Variants in NISCH observed in about 807,000 individuals in gnomAD.
NISCH encodes nischarin.
NISCH carries 55 observed loss-of-function variants against 138.4 expected under a neutral mutation model. That is an observed-to-expected ratio of 0.40 (90% CI 0.32 to 0.50). NISCH has a LOEUF of 0.50. Ranked by LOEUF, NISCH falls within the 20% of genes least tolerant of loss-of-function variation. The probability of loss-of-function intolerance (pLI) is 0.71; values close to 1 mark genes in which losing one functional copy is unlikely to be tolerated. For synonymous variants in NISCH, 860 were observed against 861.5 expected (o/e 1.00, Z 0.03); for missense variants, 1,643 against 2,005.5 (o/e 0.82, Z 3.45).
rs1209549182 is a variant in NISCH, at chr3:52,487,047, T to C, written c.1704-149T>C. 1 of 884,976 alleles carries C rather than the reference T, an allele frequency of 1.1e-6. No homozygotes were observed. The highest frequency in any genetic ancestry group is 2.6e-5 in the East Asian group (1 of 37,790). The allele number at this position is 884,976 out of a possible 1,614,324, so 54.8% of individuals were successfully genotyped here. A position where few individuals can be genotyped will look rare whatever the true frequency, so the allele number is the denominator to read the frequency against. On this transcript the variant is annotated intron_variant, in intron 15 of 20. Transcript: ENST00000345716. The surrounding 1 kb of genome is among the most constrained non-coding windows in gnomAD (Gnocchi z 9.1). ...CTGGCTCCCACCAGGGCCCTCATCC[T>C]GGGAACTGACTTGGCCATGTGGGAG... is the stretch of plus-strand genomic sequence containing the variant.
chr3:52,485,890 G>A, intron 15 of NISCH, 63 bp downstream of exon 15: 3 of 1,503,916 alleles, frequency 2.0e-6, no homozygotes, highest in Non-Finnish European at 1.8e-6. Flanking sequence ...ACACACTGCT[G>A]TGGGCCAGGG....
chr3:52,472,673 T>C lies in NISCH; in HGVS notation c.669+275T>C, dbSNP rs1023504529. Among the ~76,000 whole-genome samples the C allele has an allele frequency of 9.2e-5, 14 of 152,264 alleles. No homozygotes were observed. The East Asian group carries it at 1.7e-3, about 19-fold the overall frequency. ...ACCTGGCTCATTCTAGGACTCCTCA[T>C]AGGGGCAGGGGGCATGTGTACCTCA... On this transcript the variant is annotated intron_variant, in intron 6 of 20. Transcript: ENST00000345716.
intron 2 of NISCH, 95 bp downstream of exon 2, chr3:52,458,021 G>T: frequency 1.1e-6 from 1 of 878,822 alleles, no homozygotes; most frequent in Non-Finnish European, 1.9e-6. Context: ...GGCAAAACAG[G>T]TTCCATCTCT....
intron 7 of NISCH, among the ~76,000 whole-genome samples, chr3:52,474,798 T>G (rs937311982): frequency 6.6e-6 from 1 of 152,222 alleles, no homozygotes; most frequent in Admixed American, 6.5e-5. Flanking sequence ...TTAATTAGAT[T>G]GATAACTAAG....
intron 14 of NISCH, 132 bp from the exon 15 acceptor site, chr3:52,485,646 A>G: frequency 1.0e-6 from 1 of 953,478 alleles, no homozygotes; most frequent in Non-Finnish European, 1.6e-6. Context: ...GCTCCAGGGT[A>G]CAGCGTGGGG....
chr3:52,473,232 C>T (rs1177219560), intron 6 of NISCH, among the ~76,000 whole-genome samples: 1 of 152,222 alleles, frequency 6.6e-6, no homozygotes, highest in Non-Finnish European at 1.5e-5. Context: ...GGAAACCCGA[C>T]CCAGCCCTGC....
chr3:52,470,866 A>T lies in NISCH; in HGVS notation c.368A>T (p.Asn123Ile). Residue 123 changes from asparagine (N) to isoleucine (I), a missense_variant, in exon 4 of 21, where the codon AAT becomes ATT. Asn to Ile is a moderately radical substitution (Grantham distance 149, BLOSUM62 -3). Transcript: ENST00000345716. ...ATTTTGTGTTCTCTGCAGGAGATAA[A>T]TGGCATCACCGCGGCACTGGCTGAA... ...HFLHFHFYEI[N>I]GITAALAEEL... The T allele has an allele frequency of 6.2e-7, 1 of 1,614,092 alleles. No individual in the cohort carries two copies. Among genetic ancestry groups the T allele is most frequent in the South Asian group, 1.1e-5 (1 of 91,072 alleles).
At chr3:52,481,546 G>C in intron 13 of NISCH, 3 of 985,518 alleles carry the variant, frequency 3.0e-6, no homozygotes, top group Non-Finnish European at 3.6e-6. Flanking sequence ...AAGCGAGCCT[G>C]TGGAGGTACC....
At chr3:52,464,696 T>C (rs1199067721) in intron 3 of NISCH, among the ~76,000 whole-genome samples, 2 of 152,046 alleles carry the variant, frequency 1.3e-5, no homozygotes, top group Admixed American at 1.3e-4. Flanking sequence ...GGCTGATTTT[T>C]GTATTTTTAG....
rs1457181567 is a variant in NISCH, at chr3:52,477,879, G to A, written c.988-218G>A. On this transcript the variant is annotated intron_variant, in intron 9 of 20. Transcript: ENST00000345716. ...TGCACCTCCGTCCTGAAGGTGGACA[G>A]CCATGTTTTCAACGCCCACCCCAAC... The A allele has an allele frequency of 7.9e-6, 5 of 632,826 alleles. No homozygotes were observed. In the East Asian group the frequency reaches 1.4e-4, roughly 17 times the overall value. 39.2% of individuals were successfully genotyped at this position (632,826 alleles called of 1,614,324 possible). A position where few individuals can be genotyped will look rare whatever the true frequency, so the allele number is the denominator to read the frequency against.
At chr3:52,485,722 A>G in intron 14 of NISCH, 56 bp from the exon 15 acceptor site, 1 of 1,545,364 alleles carries the variant, frequency 6.5e-7, no homozygotes. Context: ...GCAACCAGTA[A>G]ATGGCTGGGG....
intron 3 of NISCH, among the ~76,000 whole-genome samples, chr3:52,463,124 C>T (rs553143278): frequency 6.6e-6 from 1 of 152,312 alleles, no homozygotes; most frequent in South Asian, 2.1e-4. Context: ...ATCCCTCTGT[C>T]CCCCAGCCCC....
At chr3:52,473,907 G>A in intron 7 of NISCH, 78 bp downstream of exon 7, 2 of 911,260 alleles carry the variant, frequency 2.2e-6, no homozygotes, top group Non-Finnish European at 3.5e-6. Context: ...CACTAAGGAT[G>A]GGTGAGGACA....
chr3:52,488,103 G>A lies in NISCH; in HGVS notation c.2611G>A (p.Ala871Thr), dbSNP rs138593477. 525 of 1,612,958 alleles carry A rather than the reference G, an allele frequency of 3.3e-4. 1 individual carries two copies. Among genetic ancestry groups the A allele is most frequent in the Middle Eastern group, 2.3e-3 (14 of 6,062 alleles). ...CAGTGACAAGCGCATGGTGCAGACG[G>A]CCGCCGGGGACTACTCAGGCAACAT... is the stretch of plus-strand genomic sequence containing the variant. ...VYSDKRMVQT[A>T]AGDYSGNIEW... is the part of the protein sequence containing the mutation. The change falls in exon 16 of 21, where the codon GCC becomes ACC. Residue 871 changes from alanine (A) to threonine (T), a missense_variant. By Grantham distance (58) the Ala-to-Thr change is moderately conservative. Coordinates refer to ENST00000345716, the MANE Select transcript of NISCH (RefSeq NM_007184.4).
Position 52,455,672 on chromosome 3 carries a change from C to T in NISCH, c.31C>T (p.Arg11Trp). 1 of 1,357,980 alleles carries T rather than the reference C, an allele frequency of 7.4e-7. No individual in the cohort carries two copies. Among genetic ancestry groups the T allele is most frequent in the Non-Finnish European group, 9.6e-7 (1 of 1,045,930 alleles). 84.1% of individuals were successfully genotyped at this position (1,357,980 alleles called of 1,614,324 possible). Residue 11 changes from arginine (R) to tryptophan (W), a missense_variant, in exon 1 of 21, where the codon CGG (arginine) becomes TGG (tryptophan). Physicochemically the swap from Arg to Trp is moderately radical, Grantham distance 101. Coordinates refer to ENST00000345716, the MANE Select transcript of NISCH (RefSeq NM_007184.4). ...GACCGCGCGCACCTTCGGGCCCGAG[C>T]GGGAAGCCGAGCCGGCCAAGGAAGC... is the stretch of plus-strand genomic sequence containing the variant. MATARTFGPE[R>W]EAEPAKEARV...
rs534222125 is a variant in NISCH at position 52,484,757 on chromosome 3, G to A, written c.1653+120G>A. 5.1e-4 allele frequency: 601 copies of A among 1,179,174 alleles called. 2 individuals are homozygous for A. Among genetic ancestry groups the A allele is most frequent in the Non-Finnish European group, 6.4e-4 (524 of 819,216 alleles). The allele number at this position is 1,179,174 out of a possible 1,614,324, so 73.0% of individuals were successfully genotyped here. A position where few individuals can be genotyped will look rare whatever the true frequency, so the allele number is the denominator to read the frequency against. ...GAGGCAGATGCTTCCAGGGTTTGGC[G>A]TCCTCTGCTTTGTGCCACGGTCTTT... On this transcript the variant is annotated intron_variant, in intron 14 of 20. Transcript: ENST00000345716.
intron 9 of NISCH, 66 bp downstream of exon 9, chr3:52,477,708 G>T: frequency 7.3e-7 from 1 of 1,364,150 alleles, no homozygotes; most frequent in Non-Finnish European, 1.0e-6. Context: ...GATTTCAGGA[G>T]ACTGACGCAG....
intron 13 of NISCH, among the ~76,000 whole-genome samples, chr3:52,483,961 A>T (rs549453926): frequency 1.1e-4 from 16 of 152,352 alleles, no homozygotes; most frequent in Non-Finnish European, 1.8e-4. Flanking sequence ...TTGAGAGGCA[A>T]CACTTGTCTC....
At position 52,492,701 on chromosome 3, in the gene NISCH, C is replaced by A; in HGVS notation, c.*219C>A. Reference sequence around the variant, plus strand: ...GGCTGTCGGTGTGCTGTCAGCCTCCCACAGGTGGTACAGCCGTGCACACCA... The same window carrying A: ...GGCTGTCGGTGTGCTGTCAGCCTCCAACAGGTGGTACAGCCGTGCACACCA... On this transcript the variant is annotated 3_prime_UTR_variant, in exon 21 of 21. Transcript: ENST00000345716. 1 of 623,592 alleles carries A rather than the reference C, an allele frequency of 1.6e-6. No homozygotes were observed. The highest frequency in any genetic ancestry group is 2.7e-6 in the Non-Finnish European group (1 of 366,978). 38.6% of individuals were successfully genotyped at this position (623,592 alleles called of 1,614,324 possible). A position where few individuals can be genotyped will look rare whatever the true frequency, so the allele number is the denominator to read the frequency against.
Sources: allele counts gnomAD v4.1 joint callset (sites outside exome capture counted in the v4.1 genomes callset), GRCh38; gene constraint gnomAD v4.1.1; non-coding constraint Gnocchi (gnomAD v3.1); transcripts MANE v1.5; gene names NCBI Gene and HGNC (gene_info 2026-07-23, HGNC 2026-07-21).